Variants in PTPN14 observed in about 807,000 individuals in gnomAD.
PTPN14 encodes protein tyrosine phosphatase non-receptor type 14.
A neutral mutation model predicts 126.8 loss-of-function variants in PTPN14; 53 were observed. The observed-to-expected ratio is 0.42, with a 90% CI of 0.34 to 0.53. The LOEUF is 0.53. Among genes scored for constraint, PTPN14 ranks in the 20% least tolerant of loss-of-function variants. The probability of loss-of-function intolerance (pLI) is 0.08; values close to 1 mark genes in which losing one functional copy is unlikely to be tolerated. For missense variants in PTPN14, 1,257 were observed against 1,552.9 expected (o/e 0.81, Z 3.20); for synonymous variants, 630 against 599.3 (o/e 1.05, Z -0.75).
intron 3 of PTPN14, among the ~76,000 whole-genome samples, chr1:214,445,891 C>T (rs1660132666): frequency 6.6e-6 from 1 of 152,122 alleles, no homozygotes; most frequent in African/African-American, 2.4e-5. Context: ...TTATAATGAG[C>T]CTGTTGCTAT....
rs1035501258 is a variant in PTPN14, at chr1:214,388,387, T to C, written c.988-1465A>G. Among the ~76,000 whole-genome samples the C allele has an allele frequency of 3.3e-5, 5 of 152,046 alleles. No homozygotes were observed. In the South Asian group the frequency reaches 1.0e-3, roughly 32 times the overall value. On this transcript the variant is annotated intron_variant, in intron 11 of 18. Coordinates refer to ENST00000366956, the MANE Select transcript of PTPN14 (RefSeq NM_005401.5). ...GTTTGTAAGCCACCGAACAGGATAA[T>C]CTCTCATATTTCTTTTTTCTTTTTT...
intron 10 of PTPN14, among the ~76,000 whole-genome samples, chr1:214,392,887 T>C (rs189561371): frequency 7.5e-4 from 114 of 152,332 alleles, no homozygotes; most frequent in African/African-American, 2.6e-3. Context: ...GACAATACTC[T>C]ACATACTCTC....
At chr1:214,480,461 T>G (rs1660960562) in intron 1 of PTPN14, among the ~76,000 whole-genome samples, 1 of 152,198 alleles carries the variant, frequency 6.6e-6, no homozygotes, top group East Asian at 1.9e-4. Context: ...AGGAGAATAT[T>G]GATCCCAAAA....
intron 1 of PTPN14, among the ~76,000 whole-genome samples, chr1:214,503,131 G>A (rs1211162714): frequency 6.6e-6 from 1 of 152,054 alleles, no homozygotes; most frequent in Non-Finnish European, 1.5e-5. Flanking sequence ...GTCACTACAA[G>A]CAAATTTAAA....
chr1:214,451,769 A>G (rs372142657), intron 3 of PTPN14, 36 bp downstream of exon 3: 3 of 1,600,362 alleles, frequency 1.9e-6, no homozygotes, highest in Non-Finnish European at 2.6e-6. Context: ...GTTAGTCAAC[A>G]CCCTTATATG....
At chr1:214,423,074 C>T (rs972019444) in intron 3 of PTPN14, among the ~76,000 whole-genome samples, 25 of 152,000 alleles carry the variant, frequency 1.6e-4, no homozygotes, top group African/African-American at 5.8e-4. Flanking sequence ...GAGGAGATCG[C>T]TTCAGCCCAG....
intron 1 of PTPN14, among the ~76,000 whole-genome samples, chr1:214,479,680 T>C (rs1660944267): frequency 6.6e-6 from 1 of 152,174 alleles, no homozygotes; most frequent in Non-Finnish European, 1.5e-5. Context: ...AAAAGACTTA[T>C]TAAAACAGCT....
intron 1 of PTPN14, among the ~76,000 whole-genome samples, chr1:214,513,153 C>G (rs73077971): frequency 0.031 from 4,659 of 152,008 alleles, 120 homozygotes; most frequent in African/African-American, 0.072. Context: ...GCAGAAAAAC[C>G]TAAAAGATAG....
In PTPN14 at chr1:214,358,827, C is replaced by T. The variant is rs147135936; in HGVS notation, c.3436-777G>A. On this transcript the variant is annotated intron_variant, in intron 18 of 18. Transcript: ENST00000366956. ...GTGTGATCTCGGCTCACTGCAACCT[C>T]TGCCTCCCAGGTTCAAGAAATACTC... Among the ~76,000 whole-genome samples the T allele has an allele frequency of 2.2e-4, 33 of 151,148 alleles. No individual in the cohort carries two copies. In the East Asian group the frequency reaches 6.4e-3, roughly 29 times the overall value.
intron 1 of PTPN14, among the ~76,000 whole-genome samples, chr1:214,508,582 C>A (rs896357400): frequency 6.6e-6 from 1 of 152,156 alleles, no homozygotes; most frequent in Non-Finnish European, 1.5e-5. Flanking sequence ...GACTTGGAAT[C>A]AATGTCTTCC....
At chr1:214,535,094 T>A (rs1655669396) in intron 1 of PTPN14, among the ~76,000 whole-genome samples, 1 of 152,078 alleles carries the variant, frequency 6.6e-6, no homozygotes, top group Non-Finnish European at 1.5e-5. Flanking sequence ...ACAAAAGATA[T>A]CGATATAAGG....
rs150536353 is a variant in PTPN14 at position 214,468,178 on chromosome 1, T to C, written c.-154-3221A>G. ...TGGTTATGTAGGAGAATAGATGGAA[T>C]TGTGTTAAGAGATGCCAGTGGATAT... On this transcript the variant is annotated intron_variant, in intron 1 of 18. Coordinates refer to ENST00000366956, the MANE Select transcript of PTPN14 (RefSeq NM_005401.5). Among the ~76,000 whole-genome samples the C allele has an allele frequency of 2.6e-3, 393 of 152,338 alleles. 1 individual carries two copies. The highest frequency in any genetic ancestry group is 3.1e-3 in the Non-Finnish European group (209 of 68,020).
chr1:214,476,256 T>C (rs549991434), intron 1 of PTPN14, among the ~76,000 whole-genome samples: 1 of 152,276 alleles, frequency 6.6e-6, no homozygotes, highest in South Asian at 2.1e-4. Flanking sequence ...CAAAAACCAA[T>C]TTGAAAAACA....
intron 17 of PTPN14, among the ~76,000 whole-genome samples, chr1:214,366,724 T>C (rs941092772): frequency 2.0e-5 from 3 of 152,118 alleles, no homozygotes; most frequent in African/African-American, 7.2e-5. Context: ...TACTATGTAT[T>C]GGCCGGGCGC....
intron 1 of PTPN14, among the ~76,000 whole-genome samples, chr1:214,502,484 C>T (rs1032459351): frequency 2.0e-5 from 3 of 152,134 alleles, no homozygotes; most frequent in Non-Finnish European, 4.4e-5. Context: ...CAACACACAG[C>T]AGGTCTTGAA....
chr1:214,383,462 G>A lies in PTPN14; in HGVS notation c.2393C>T (p.Ala798Val), dbSNP rs1658519734. Residue 798 changes from alanine (A) to valine (V), a missense_variant, in exon 13 of 19, where the codon GCT becomes GTT. Coordinates refer to ENST00000366956, the MANE Select transcript of PTPN14 (RefSeq NM_005401.5). The surrounding 1 kb of genome is among the most constrained non-coding windows in gnomAD (Gnocchi z 4.4). ...AISMSRTDPP[A>V]VNGASLGPSI... The stretch of plus-strand genomic sequence containing the variant: ...TGGGCCGAGAGAGGCCCCGTTGACA[G>A]CCGGCGGGTCAGTCCGAGACATGCT... 6.2e-7 allele frequency: 1 copy of A among 1,614,244 alleles called. No homozygotes were observed.
At chr1:214,512,538 G>C (rs11120347) in intron 1 of PTPN14, among the ~76,000 whole-genome samples, 4,657 of 152,178 alleles carry the variant, frequency 0.031, 122 homozygotes, top group African/African-American at 0.072. Context: ...GGGTTACCAG[G>C]GGCTGAGGGC....
intron 1 of PTPN14, chr1:214,532,962 G>A: frequency 1.3e-6 from 1 of 778,168 alleles, no homozygotes; most frequent in Admixed American, 1.7e-5. Flanking sequence ...TGGCTCGGAA[G>A]AACCGAGAGG....
intron 2 of PTPN14, among the ~76,000 whole-genome samples, chr1:214,463,613 G>A (rs1324356016): frequency 6.6e-6 from 1 of 152,146 alleles, no homozygotes; most frequent in African/African-American, 2.4e-5. Context: ...AGACCCTCCT[G>A]GGCCCCCATT....
Sources: gnomAD v4.1 joint callset for allele counts (sites outside exome capture counted in the v4.1 genomes callset) on GRCh38, gnomAD v4.1.1 for gene constraint, Gnocchi (gnomAD v3.1) non-coding constraint, MANE v1.5 for transcripts, NCBI Gene and HGNC (gene_info 2026-07-23, HGNC 2026-07-21) for gene names.